Variants in EGFLAM observed in about 807,000 individuals in gnomAD.
The protein encoded by EGFLAM is EGF like, fibronectin type III and laminin G domains, also known as pikachurin.
In EGFLAM, 79 loss-of-function variants were observed where a neutral mutation model predicts 113.1. That is an observed-to-expected ratio of 0.70 (90% confidence interval 0.58 to 0.84). The LOEUF is 0.84. Ranked by LOEUF, EGFLAM falls within the 40% of genes least tolerant of loss-of-function variation. The pLI is 0.00. For missense variants in EGFLAM, 1,265 were observed against 1,291.6 expected (o/e 0.98, Z 0.32); for synonymous variants, 504 against 487.6 (o/e 1.03, Z -0.44).
rs192426263 is a variant in EGFLAM at position 38,352,403 on chromosome 5, C to T, written c.545+72C>T. On this transcript the variant is annotated intron_variant, in intron 5 of 21. Coordinates refer to ENST00000322350, the MANE Select transcript of EGFLAM (RefSeq NM_152403.4). ...GTGGCTCACACCTGTAATCCCAGCA[C>T]TTTGGCAGGCTGAGGCGGGCAGATC... 2.3e-5 allele frequency: 36 copies of T among 1,577,830 alleles called. 1 individual carries two copies. The Admixed American group carries it at 5.8e-4, about 25-fold the overall frequency.
At chr5:38,337,449 A>C in intron 1 of EGFLAM, 71 bp from the exon 2 acceptor site, 3 of 1,366,840 alleles carry the variant, frequency 2.2e-6, no homozygotes, top group Middle Eastern at 1.8e-4. Context: ...ATGCACTCTT[A>C]AATCTTGTGT....
intron 1 of EGFLAM, among the ~76,000 whole-genome samples, chr5:38,331,336 C>G (rs572491660): frequency 5.3e-5 from 8 of 152,182 alleles, no homozygotes; most frequent in Non-Finnish European, 1.2e-4. Flanking sequence ...TGACATGTAT[C>G]TACCATTATG....
chr5:38,444,638 G>T (rs1360905155), intron 17 of EGFLAM, among the ~76,000 whole-genome samples: 3 of 151,924 alleles, frequency 2.0e-5, no homozygotes, highest in Non-Finnish European at 2.9e-5. Context: ...TTAGGTATAG[G>T]GTTAGGTTAA....
At chr5:38,267,046 A>G (rs1455604361) in intron 1 of EGFLAM, among the ~76,000 whole-genome samples, 1 of 152,200 alleles carries the variant, frequency 6.6e-6, no homozygotes, top group African/African-American at 2.4e-5. Context: ...AGAGGATATG[A>G]TCTAACAATA....
intron 10 of EGFLAM, among the ~76,000 whole-genome samples, chr5:38,410,241 G>GC (rs748796292): frequency 5.9e-5 from 9 of 152,190 alleles, no homozygotes; most frequent in Non-Finnish European, 1.0e-4. Flanking sequence ...TAGAAAATGG[G>GC]CCCCCATGCT....
intron 19 of EGFLAM, among the ~76,000 whole-genome samples, chr5:38,453,114 C>T (rs993672121): frequency 1.3e-5 from 2 of 152,168 alleles, no homozygotes; most frequent in Non-Finnish European, 2.9e-5. Flanking sequence ...CAGGCCCCAA[C>T]CTGATCTACT....
chr5:38,292,777 G>A (rs1579735932), intron 1 of EGFLAM, among the ~76,000 whole-genome samples: 1 of 152,184 alleles, frequency 6.6e-6, no homozygotes, highest in Admixed American at 6.5e-5. Flanking sequence ...CTTTCTGGAG[G>A]AGTTAAATTT....
chr5:38,385,468 A>G (rs755010102), intron 6 of EGFLAM, among the ~76,000 whole-genome samples: 12 of 152,104 alleles, frequency 7.9e-5, no homozygotes, highest in Admixed American at 7.9e-4. Flanking sequence ...TATATACTGT[A>G]TTGTTTAGGG....
intron 20 of EGFLAM, among the ~76,000 whole-genome samples, chr5:38,459,618 A>T (rs966626104): frequency 6.6e-6 from 1 of 152,226 alleles, no homozygotes; most frequent in Non-Finnish European, 1.5e-5. Flanking sequence ...AGAATTTATC[A>T]TAACCCTTTC....
At chr5:38,457,130 G>A (rs16903975) in intron 19 of EGFLAM, among the ~76,000 whole-genome samples, 3,581 of 152,242 alleles carry the variant, frequency 0.024, 84 homozygotes, top group South Asian at 0.066. Context: ...AATGGATAAG[G>A]GCAGAGGATA....
chr5:38,328,150 G>A (rs1410023275), intron 1 of EGFLAM, among the ~76,000 whole-genome samples: 4 of 152,096 alleles, frequency 2.6e-5, no homozygotes, highest in African/African-American at 4.8e-5. Flanking sequence ...GGGGAGGCTC[G>A]GGAATTTCAA....
chr5:38,320,812 C>CG (rs1481660660), intron 1 of EGFLAM, among the ~76,000 whole-genome samples: 3 of 151,964 alleles, frequency 2.0e-5, no homozygotes, highest in Non-Finnish European at 4.4e-5. Context: ...GAGGAACCAC[C>CG]GGGGAAAGGC....
At chr5:38,302,424 G>A (rs1215893353) in intron 1 of EGFLAM, among the ~76,000 whole-genome samples, 1 of 152,014 alleles carries the variant, frequency 6.6e-6, no homozygotes, top group African/African-American at 2.4e-5. Flanking sequence ...AAGTCTCTGA[G>A]CCTCCATTTT....
intron 1 of EGFLAM, among the ~76,000 whole-genome samples, chr5:38,313,339 A>T (rs1463307463): frequency 2.0e-5 from 3 of 152,180 alleles, no homozygotes; most frequent in Non-Finnish European, 4.4e-5. Flanking sequence ...GTTATCTTAA[A>T]TTCTTGGCAA....
At chr5:38,274,625 G>A (rs1757843016) in intron 1 of EGFLAM, among the ~76,000 whole-genome samples, 1 of 152,126 alleles carries the variant, frequency 6.6e-6, no homozygotes, top group African/African-American at 2.4e-5. Context: ...AGAAATGAAG[G>A]ATAGATAAAG....
At chr5:38,285,291 C>T (rs181407842) in intron 1 of EGFLAM, among the ~76,000 whole-genome samples, 3 of 152,278 alleles carry the variant, frequency 2.0e-5, no homozygotes, top group African/African-American at 7.2e-5. Flanking sequence ...TCAGAATGAC[C>T]TTTATGGAGT....
At chr5:38,271,307 C>T (rs1040369658) in intron 1 of EGFLAM, among the ~76,000 whole-genome samples, 2 of 152,138 alleles carry the variant, frequency 1.3e-5, no homozygotes, top group East Asian at 3.8e-4. Context: ...GTAAAAGATG[C>T]TATTTCTATG....
At position 38,418,404 on chromosome 5, in the gene EGFLAM, T is replaced by C. The variant is rs113802652; in HGVS notation, c.1684+149T>C. The C allele has an allele frequency of 1.1e-5, 11 of 1,017,432 alleles. No individual in the cohort carries two copies. In the African/African-American group the frequency reaches 1.5e-4, roughly 14 times the overall value. 63.0% of individuals were successfully genotyped at this position (1,017,432 alleles called of 1,614,324 possible). A position where few individuals can be genotyped will look rare whatever the true frequency, so the allele number is the denominator to read the frequency against. ...CAGAACATCAGGAGGGAGGTGGGCC[T>C]CAGGGGTGAGGCTGGTGCTCTGCAG... On this transcript the variant is annotated intron_variant, in intron 12 of 21. Coordinates refer to ENST00000322350, the MANE Select transcript of EGFLAM (RefSeq NM_152403.4).
intron 19 of EGFLAM, among the ~76,000 whole-genome samples, chr5:38,455,215 G>A (rs1743049407): frequency 1.3e-5 from 2 of 152,292 alleles, no homozygotes; most frequent in South Asian, 4.1e-4. Context: ...GCAGGAAGGT[G>A]GCCGAGTGGT....
Sources: gnomAD v4.1 joint callset for allele counts (sites outside exome capture counted in the v4.1 genomes callset) on GRCh38, gnomAD v4.1.1 for gene constraint, MANE v1.5 for transcripts, NCBI Gene and HGNC (gene_info 2026-07-23, HGNC 2026-07-21) for gene names.